The following ZDHHC15 variants were observed in gnomAD, a reference collection of about 807,000 sequenced individuals.
ZDHHC15 encodes zDHHC palmitoyltransferase 15.
ZDHHC15 carries 19 observed loss-of-function variants against 31.7 expected under a neutral mutation model. That is an observed-to-expected ratio of 0.60 (90% CI 0.42 to 0.88). The LOEUF (loss-of-function observed/expected upper bound fraction) is 0.88. Among genes scored for constraint, ZDHHC15 ranks in the 40% least tolerant of loss-of-function variants. The pLI is 0.00. For synonymous variants in ZDHHC15, 103 were observed against 90.0 expected, an observed-to-expected ratio of 1.14 and a Z score of -0.82; for missense variants, 209 against 251.2, an observed-to-expected ratio of 0.83 and a Z score of 1.14.
At chrX:75,378,781 T>C (rs779828505) in intron 11 of ZDHHC15, among the ~76,000 whole-genome samples, 8 of 111,349 alleles carry the variant, frequency 7.2e-5, no homozygotes, top group Non-Finnish European at 1.1e-4. Context: ...TTGTAATCTG[T>C]ACCATTTCAG....
chrX:75,450,642 T>A (rs1056674838), intron 4 of ZDHHC15, 160 bp downstream of exon 4: 4 of 1,068,297 alleles, frequency 3.7e-6, no homozygotes, highest in African/African-American at 1.9e-5. Flanking sequence ...AGCTTTGATA[T>A]GTGTTTAAAA....
chrX:75,471,522 T>G (rs778266917), intron 3 of ZDHHC15, among the ~76,000 whole-genome samples: 2 of 112,161 alleles, frequency 1.8e-5, no homozygotes, highest in South Asian at 7.5e-4. Flanking sequence ...AAATATTCCT[T>G]CTGAGGTGAA....
chrX:75,519,063 G>A (rs1304833497), intron 1 of ZDHHC15, among the ~76,000 whole-genome samples: 2 of 108,789 alleles, frequency 1.8e-5, no homozygotes, highest in Non-Finnish European at 3.8e-5. Context: ...GGAACAGGGA[G>A]TGACTGCTTA....
chrX:75,494,472 C>T (rs1385810674), intron 2 of ZDHHC15, among the ~76,000 whole-genome samples: 14 of 111,434 alleles, frequency 1.3e-4, no homozygotes, highest in Non-Finnish European at 2.1e-4. Context: ...CCCACATTGC[C>T]AAGTCAATCC....
At chrX:75,500,267 AAATAAT>A (rs756181632) in intron 2 of ZDHHC15, among the ~76,000 whole-genome samples, 1 of 108,911 alleles carries the variant, frequency 9.2e-6, no homozygotes, top group Non-Finnish European at 1.9e-5. Flanking sequence ...AAAACTATTG[AAATAAT>A]AATAATAATA....
chrX:75,499,042 C>T (rs1311517121), intron 2 of ZDHHC15, among the ~76,000 whole-genome samples: 1 of 111,224 alleles, frequency 9.0e-6, no homozygotes, highest in Non-Finnish European at 1.9e-5. Flanking sequence ...GAAAGGACAC[C>T]CGATTCAACA....
intron 10 of ZDHHC15, among the ~76,000 whole-genome samples, chrX:75,413,822 C>A (rs1367623750): frequency 1.8e-5 from 2 of 110,062 alleles, no homozygotes; most frequent in South Asian, 4.0e-4. Flanking sequence ...GCCCCCGACC[C>A]CGAGAAAGCT....
At chrX:75,468,048 T>C (rs2084437735) in intron 3 of ZDHHC15, among the ~76,000 whole-genome samples, 1 of 107,427 alleles carries the variant, frequency 9.3e-6, no homozygotes, top group Non-Finnish European at 1.9e-5. Context: ...ATAATTTTTT[T>C]TTTTTTTTTT....
At chrX:75,502,344 T>G (rs1239654804) in intron 2 of ZDHHC15, 1 of 111,494 alleles carries the variant, frequency 9.0e-6, no homozygotes. Context: ...TTAAAGACCT[T>G]ATACAAATAG....
At chrX:75,438,124 A>C (rs1054923037) in intron 4 of ZDHHC15, among the ~76,000 whole-genome samples, 2 of 111,854 alleles carry the variant, frequency 1.8e-5, no homozygotes, top group African/African-American at 6.5e-5. Context: ...AAAAGTCAGG[A>C]AACAACAAGT....
intron 10 of ZDHHC15, among the ~76,000 whole-genome samples, chrX:75,407,621 C>T (rs1191608741): frequency 1.8e-4 from 16 of 89,565 alleles, no homozygotes; most frequent in African/African-American, 5.3e-4. Flanking sequence ...GCAGCCGCCC[C>T]GTCTGGGAGG....
chrX:75,418,140 A>T (rs1250659880), intron 9 of ZDHHC15, among the ~76,000 whole-genome samples: 3 of 111,827 alleles, frequency 2.7e-5, no homozygotes, highest in Non-Finnish European at 5.6e-5. Flanking sequence ...GGGTATAGGT[A>T]ATATCTGGTA....
chrX:75,492,838 T>C lies in ZDHHC15; in HGVS notation c.163+12983A>G, dbSNP rs758917078. ...CCCACAAGAGAAAGCAGGAAAGATA[T>C]AAAATTGACACCCTAACATCACAAT... On this transcript the variant is annotated intron_variant, in intron 2 of 11. Coordinates refer to ENST00000373367, the MANE Select transcript of ZDHHC15 (RefSeq NM_144969.3). Among the ~76,000 whole-genome samples the C allele has an allele frequency of 2.2e-3, 244 of 111,497 alleles. 1 individual carries two copies. The highest frequency in any genetic ancestry group is 7.9e-3 in the African/African-American group (242 of 30,685).
chrX:75,405,668 C>G (rs1349516385), intron 10 of ZDHHC15, among the ~76,000 whole-genome samples: 2 of 111,642 alleles, frequency 1.8e-5, no homozygotes, highest in Non-Finnish European at 3.8e-5. Flanking sequence ...GTATATAAAA[C>G]AAACATCACT....
intron 3 of ZDHHC15, among the ~76,000 whole-genome samples, chrX:75,458,991 C>CA (rs775652299): frequency 0.085 from 1,313 of 15,477 alleles, 37 homozygotes; most frequent in South Asian, 0.24. Context: ...GGCACAGAGA[C>CA]AAAAAAAAAA....
chrX:75,467,469 A>C (rs2147950383), intron 3 of ZDHHC15, among the ~76,000 whole-genome samples: 1 of 112,608 alleles, frequency 8.9e-6, no homozygotes, highest in South Asian at 3.7e-4. Flanking sequence ...TGAGCCAGTA[A>C]ATGCATTTTG....
chrX:75,488,589 G>C (rs2084815464), intron 2 of ZDHHC15, among the ~76,000 whole-genome samples: 1 of 111,936 alleles, frequency 8.9e-6, no homozygotes, highest in Non-Finnish European at 1.9e-5. Context: ...AATCCCACAG[G>C]ACATATTAAA....
At chrX:75,393,351 G>A (rs1473281909) in intron 10 of ZDHHC15, among the ~76,000 whole-genome samples, 9 of 111,289 alleles carry the variant, frequency 8.1e-5, no homozygotes, top group Non-Finnish European at 1.7e-4. Flanking sequence ...CTCAGTATCT[G>A]CTTCTGAAGC....
At chrX:75,460,335 C>T (rs988526270) in intron 3 of ZDHHC15, among the ~76,000 whole-genome samples, 1 of 110,651 alleles carries the variant, frequency 9.0e-6, no homozygotes, top group Admixed American at 9.6e-5. Flanking sequence ...CTCTGTGGTG[C>T]AGTTGATTCA....
Sources: allele counts gnomAD v4.1 joint callset (sites outside exome capture counted in the v4.1 genomes callset), GRCh38; gene constraint gnomAD v4.1.1; transcripts MANE v1.5; gene names NCBI Gene and HGNC (gene_info 2026-07-23, HGNC 2026-07-21).